PIK3CB: variants seen among roughly 807,000 people sequenced by gnomAD.
PIK3CB encodes the protein phosphatidylinositol 4,5-bisphosphate 3-kinase catalytic subunit beta isoform.
In PIK3CB, 39 loss-of-function variants were observed where a neutral mutation model predicts 136.8. That is an observed-to-expected ratio of 0.29 (90% CI 0.22 to 0.37). PIK3CB has a LOEUF of 0.37. Among genes scored for constraint, PIK3CB ranks in the 10% least tolerant of loss-of-function variants. PIK3CB has a pLI of 1.00. For missense variants in PIK3CB, 868 were observed against 1,275.4 expected (o/e 0.68, Z 4.87); for synonymous variants, 428 against 436.6 (o/e 0.98, Z 0.25).
At chr3:138,754,375 A>C (rs1049463026) in intron 4 of PIK3CB, among the ~76,000 whole-genome samples, 3 of 151,966 alleles carry the variant, frequency 2.0e-5, no homozygotes, top group African/African-American at 7.3e-5. Flanking sequence ...GGGTCGAGTC[A>C]AGGCTGAAGT....
chr3:138,833,194 G>C (rs941333293), intron 1 of PIK3CB, among the ~76,000 whole-genome samples: 1 of 151,474 alleles, frequency 6.6e-6, no homozygotes, highest in African/African-American at 2.4e-5. Context: ...AGCCTCCCAA[G>C]TAGCTGGGAT....
intron 1 of PIK3CB, among the ~76,000 whole-genome samples, chr3:138,805,841 T>C (rs1218490308): frequency 6.6e-6 from 1 of 151,348 alleles, no homozygotes; most frequent in African/African-American, 2.4e-5. Flanking sequence ...GCGATTCTCC[T>C]GCCTCAGCTT....
At chr3:138,733,812 A>C (rs531284997) in intron 7 of PIK3CB, among the ~76,000 whole-genome samples, 55 of 152,210 alleles carry the variant, frequency 3.6e-4, no homozygotes, top group African/African-American at 1.3e-3. Flanking sequence ...CGGGAGGCGG[A>C]GCTTGCAGTG....
chr3:138,728,710 G>C (rs999477399), intron 8 of PIK3CB, among the ~76,000 whole-genome samples: 2 of 151,836 alleles, frequency 1.3e-5, no homozygotes, highest in African/African-American at 2.4e-5. Flanking sequence ...AACCCGGGAG[G>C]GGGAGCTTGC....
At chr3:138,768,981 G>A (rs1045546271) in intron 2 of PIK3CB, among the ~76,000 whole-genome samples, 1 of 152,174 alleles carries the variant, frequency 6.6e-6, no homozygotes, top group Non-Finnish European at 1.5e-5. Flanking sequence ...GGGAGAGAAG[G>A]GGCTGGGGGG....
At chr3:138,763,514 T>C (rs983069511) in intron 2 of PIK3CB, among the ~76,000 whole-genome samples, 1 of 152,168 alleles carries the variant, frequency 6.6e-6, no homozygotes, top group African/African-American at 2.4e-5. Flanking sequence ...ATAATAAACC[T>C]GTACACGTCC....
At chr3:138,776,910 G>T (rs1445690478) in intron 2 of PIK3CB, among the ~76,000 whole-genome samples, 2 of 118,410 alleles carry the variant, frequency 1.7e-5, no homozygotes, top group African/African-American at 7.6e-5. Flanking sequence ...GTGACAGAGT[G>T]AGACTCTACC....
chr3:138,825,585 G>A (rs1204355672), intron 1 of PIK3CB: 1 of 632,752 alleles, frequency 1.6e-6, no homozygotes, highest in African/African-American at 1.8e-5. Flanking sequence ...TCATGGGATA[G>A]AAAGTCACCC....
rs558266395 is a variant in PIK3CB at position 138,770,799 on chromosome 3, G to A, written c.-16-11440C>T. Among the ~76,000 whole-genome samples, 3 of 151,650 alleles carry A rather than the reference G, an allele frequency of 2.0e-5. No individual in the cohort carries two copies. In the South Asian group the frequency reaches 6.3e-4, roughly 32 times the overall value. ...CAATCTCGGCTCACTACAACCTCCG[G>A]CTCCCAGGTTCAAGCAGTTCTCCTG... On this transcript the variant is annotated intron_variant, in intron 2 of 23. Coordinates refer to ENST00000674063, the MANE Select transcript of PIK3CB (RefSeq NM_006219.3).
intron 13 of PIK3CB, among the ~76,000 whole-genome samples, chr3:138,695,840 G>A (rs2044124910): frequency 6.6e-6 from 1 of 151,548 alleles, no homozygotes; most frequent in East Asian, 1.9e-4. Flanking sequence ...TCTCCTTCCT[G>A]GATTCAAGCC....
intron 12 of PIK3CB, among the ~76,000 whole-genome samples, 164 bp downstream of exon 12, chr3:138,704,279 G>T (rs926662392): frequency 6.6e-6 from 1 of 152,148 alleles, no homozygotes. Flanking sequence ...CACAAATTGG[G>T]CTGCCATTTA....
chr3:138,672,876 C>T (rs2043563089), intron 19 of PIK3CB, among the ~76,000 whole-genome samples: 1 of 139,614 alleles, frequency 7.2e-6, no homozygotes, highest in Non-Finnish European at 1.5e-5. Context: ...CGTGCCACTG[C>T]ACTCCAGCCT....
At chr3:138,726,966 T>C (rs1462923537) in intron 8 of PIK3CB, among the ~76,000 whole-genome samples, 2 of 151,472 alleles carry the variant, frequency 1.3e-5, no homozygotes, top group Non-Finnish European at 2.9e-5. Context: ...CAGGAGGGTA[T>C]CTTGAACCCA....
intron 2 of PIK3CB, among the ~76,000 whole-genome samples, chr3:138,768,011 C>G (rs372376825): frequency 6.6e-6 from 1 of 152,226 alleles, no homozygotes; most frequent in Non-Finnish European, 1.5e-5. Context: ...GAATGAAGTA[C>G]GCAGCCAAGC....
At chr3:138,767,964 T>C (rs2045755534) in intron 2 of PIK3CB, among the ~76,000 whole-genome samples, 1 of 152,224 alleles carries the variant, frequency 6.6e-6, no homozygotes, top group Non-Finnish European at 1.5e-5. Context: ...GCCCTGTTTG[T>C]GTTACAGTTC....
At chr3:138,705,181 CAAAACAAACAAAAAAAAA>C (rs2044347495) in intron 11 of PIK3CB, among the ~76,000 whole-genome samples, 2 of 58,528 alleles carry the variant, frequency 3.4e-5, no homozygotes, top group African/African-American at 8.3e-5. Context: ...AAACAAAAAA[CAAAACAAACAAAAAAAAA>C]AACTTATATT....
chr3:138,711,026 G>A (rs1029664620), intron 10 of PIK3CB, among the ~76,000 whole-genome samples: 5 of 151,814 alleles, frequency 3.3e-5, no homozygotes, highest in South Asian at 2.1e-4. Context: ...GGAGCTTGAA[G>A]TGAGCGCATA....
intron 1 of PIK3CB, among the ~76,000 whole-genome samples, chr3:138,803,755 C>A (rs77065604): frequency 0.014 from 2,138 of 152,226 alleles, 47 homozygotes; most frequent in Middle Eastern, 0.048. Flanking sequence ...TGATGGCCTC[C>A]TTCTCTGGGC....
chr3:138,674,303 C>T (rs1350348007), intron 19 of PIK3CB, among the ~76,000 whole-genome samples: 2 of 152,114 alleles, frequency 1.3e-5, no homozygotes, highest in East Asian at 1.9e-4. Context: ...GGCTAAGGCA[C>T]AGTTCTGAAC....
Sources: allele counts gnomAD v4.1 joint callset (sites outside exome capture counted in the v4.1 genomes callset), GRCh38; gene constraint gnomAD v4.1.1; transcripts MANE v1.5; gene names NCBI Gene and HGNC (gene_info 2026-07-23, HGNC 2026-07-21).